SERPINB8: variants seen among roughly 807,000 people sequenced by gnomAD.
SERPINB8 encodes the protein serpin family B member 8.
A neutral mutation model predicts 35.3 loss-of-function variants in SERPINB8; 25 were observed. That is an observed-to-expected ratio of 0.71 (90% CI 0.52 to 0.99). The LOEUF is 0.99. Ranked by LOEUF, SERPINB8 falls within the 50% of genes least tolerant of loss-of-function variation. SERPINB8 has a pLI of 0.00. For synonymous variants in SERPINB8, 186 were observed against 160.8 expected (o/e 1.16, Z -1.19); for missense variants, 484 against 446.5 (o/e 1.08, Z -0.76).
At chr18:64,008,498 C>T (rs2050910754), downstream of SERPINB8, among the ~76,000 whole-genome samples, 1 of 151,874 alleles carries the variant, frequency 6.6e-6, no homozygotes, top group South Asian at 2.1e-4. Context: ...ATCTGTCTGC[C>T]TTGGCCTCCC....
chr18:63,992,994 G>C (rs1176369427), downstream of SERPINB8, among the ~76,000 whole-genome samples: 1 of 152,190 alleles, frequency 6.6e-6, no homozygotes, highest in African/African-American at 2.4e-5. Context: ...CAAACCTCTT[G>C]GCGGCAGGTG....
At chr18:63,994,238 T>C (rs1188393573), downstream of SERPINB8, among the ~76,000 whole-genome samples, 1 of 152,136 alleles carries the variant, frequency 6.6e-6, no homozygotes, top group Non-Finnish European at 1.5e-5. Context: ...CTTATCACAG[T>C]AAGCAAATAA....
At chr18:63,985,040 T>G (rs1017061091) in intron 5 of SERPINB8, 53 bp from the exon 6 acceptor site, 3 of 1,586,474 alleles carry the variant, frequency 1.9e-6, no homozygotes, top group Non-Finnish European at 2.6e-6. Context: ...TATATCCTAT[T>G]TTTAGTAAAT....
intron 4 of SERPINB8, among the ~76,000 whole-genome samples, chr18:63,982,905 C>G (rs1035444694): frequency 1.3e-4 from 19 of 151,424 alleles, no homozygotes; most frequent in African/African-American, 4.6e-4. Flanking sequence ...TCTATTCTAC[C>G]CCCCTAATTC....
intron 6 of SERPINB8, chr18:63,986,337 T>C (rs2050753698): frequency 2.5e-6 from 4 of 1,601,552 alleles, no homozygotes; most frequent in Admixed American, 1.7e-5. Flanking sequence ...TGAAGTCTTC[T>C]TGCATTCCCC....
downstream of SERPINB8, among the ~76,000 whole-genome samples, chr18:63,989,618 T>A (rs905731241): frequency 1.3e-5 from 2 of 152,138 alleles, no homozygotes; most frequent in Admixed American, 1.3e-4. Flanking sequence ...TGGTTGCATT[T>A]CCCTAATGCC....
chr18:63,978,583 T>C, intron 2 of SERPINB8, 107 bp downstream of exon 2: 7 of 1,323,012 alleles, frequency 5.3e-6, no homozygotes, highest in Non-Finnish European at 7.4e-6. Flanking sequence ...GAGCTGGAGG[T>C]AGAAGGAGGA....
intron 1 of SERPINB8, among the ~76,000 whole-genome samples, chr18:64,001,968 C>A (rs1463731681): frequency 1.3e-5 from 2 of 152,162 alleles, no homozygotes; most frequent in African/African-American, 4.8e-5. Context: ...TTGTCCTGGA[C>A]GTGAAATGCT....
At chr18:63,996,059 T>G in intron 1 of SERPINB8, among the ~76,000 whole-genome samples, 1 of 151,894 alleles carries the variant, frequency 6.6e-6, no homozygotes, top group East Asian at 1.9e-4. Context: ...ACCTGGTGGG[T>G]TTTAGCTGCT....
chr18:64,008,655 T>C (rs1478402600), downstream of SERPINB8, among the ~76,000 whole-genome samples: 1 of 152,144 alleles, frequency 6.6e-6, no homozygotes, highest in Non-Finnish European at 1.5e-5. Flanking sequence ...TATATGATTA[T>C]AGGACTGCAT....
At chr18:64,002,109 C>CCA (rs1171173637) in intron 1 of SERPINB8, among the ~76,000 whole-genome samples, 1 of 152,024 alleles carries the variant, frequency 6.6e-6, no homozygotes, top group Non-Finnish European at 1.5e-5. Context: ...CTGAACCCCC[C>CCA]GATAGAGGAC....
At chr18:63,992,520 G>C (rs996757957), downstream of SERPINB8, among the ~76,000 whole-genome samples, 2 of 152,144 alleles carry the variant, frequency 1.3e-5, no homozygotes, top group African/African-American at 4.8e-5. Context: ...ACTAGGTGTT[G>C]ATAAATTTTA....
At chr18:63,990,674 C>T (rs550772498), downstream of SERPINB8, among the ~76,000 whole-genome samples, 1 of 151,172 alleles carries the variant, frequency 6.6e-6, no homozygotes, top group East Asian at 1.9e-4. Flanking sequence ...CCCTCCCCCC[C>T]ACCCCACAAC....
intron 7 of SERPINB8, among the ~76,000 whole-genome samples, chr18:64,011,200 G>A (rs2050924466): frequency 6.6e-6 from 1 of 151,964 alleles, no homozygotes; most frequent in Admixed American, 6.6e-5. Flanking sequence ...GTGGTTTTCA[G>A]TTAGCTTATC....
At chr18:63,997,540 A>G (rs2050855979) in intron 1 of SERPINB8, among the ~76,000 whole-genome samples, 1 of 152,164 alleles carries the variant, frequency 6.6e-6, no homozygotes, top group South Asian at 2.1e-4. Context: ...CTTGATTAAC[A>G]TTTACTATGC....
intron 1 of SERPINB8, among the ~76,000 whole-genome samples, chr18:63,996,753 C>G (rs1054234840): frequency 6.6e-6 from 1 of 152,218 alleles, no homozygotes; most frequent in Non-Finnish European, 1.5e-5. Context: ...AAGTGAATTT[C>G]CTGGTTGTAA....
At chr18:63,992,536 G>A (rs963503450), downstream of SERPINB8, among the ~76,000 whole-genome samples, 3 of 152,076 alleles carry the variant, frequency 2.0e-5, no homozygotes, top group Non-Finnish European at 4.4e-5. Context: ...TTTTATTGCT[G>A]TTTCTCAGAA....
chr18:64,016,651 A>T (rs1021214225), intron 7 of SERPINB8, among the ~76,000 whole-genome samples: 1 of 152,200 alleles, frequency 6.6e-6, no homozygotes, highest in African/African-American at 2.4e-5. Context: ...CAGAGAGTTT[A>T]TATGGCTTGC....
In SERPINB8 at chr18:63,988,324, A is replaced by T. The variant is rs1397796632; in HGVS notation, c.*1046A>T. The T allele has an allele frequency of 6.6e-6, 1 of 152,244 alleles. No homozygotes were observed. Among genetic ancestry groups the T allele is most frequent in the Non-Finnish European group, 1.5e-5 (1 of 68,036 alleles). The allele number at this position is 152,244 out of a possible 1,614,324, so 9.4% of individuals were successfully genotyped here. ...TCCAGGTCATCAATTTGATGTGCAT[A>T]GTATTCCACTGTGTGGCTGGATTTC... On this transcript the variant is annotated 3_prime_UTR_variant, in exon 7 of 7. Coordinates refer to ENST00000397985, the MANE Select transcript of SERPINB8 (RefSeq NM_002640.4).
Sources: allele counts gnomAD v4.1 joint callset (sites outside exome capture counted in the v4.1 genomes callset), GRCh38; gene constraint gnomAD v4.1.1; transcripts MANE v1.5; gene names NCBI Gene and HGNC (gene_info 2026-07-23, HGNC 2026-07-21).